GRM7: variants seen among roughly 807,000 people sequenced by gnomAD.
GRM7 encodes metabotropic glutamate receptor 7.
Under a neutral mutation model 84.5 loss-of-function variants are expected in GRM7, and 35 were observed. That is an observed-to-expected ratio of 0.41 (90% CI 0.32 to 0.55). GRM7 has a LOEUF of 0.55. Among genes scored for constraint, GRM7 ranks in the 20% least tolerant of loss-of-function variants. The pLI is 0.19. For missense variants in GRM7, 1,003 were observed against 1,194.6 expected (o/e 0.84, Z 2.36); for synonymous variants, 487 against 455.1 (o/e 1.07, Z -0.89).
chr3:7,220,279 C>T (rs1273706022), intron 2 of GRM7, among the ~76,000 whole-genome samples: 1 of 152,182 alleles, frequency 6.6e-6, no homozygotes, highest in Non-Finnish European at 1.5e-5. Context: ...CAAACACTAT[C>T]TCAGTGAGGT....
chr3:7,578,337 C>T, intron 7 of GRM7, 85 bp from the exon 8 acceptor site: 2 of 832,090 alleles, frequency 2.4e-6, no homozygotes, highest in South Asian at 3.5e-5. Context: ...ATGTCACTTG[C>T]CATGAGTACT....
chr3:7,062,604 A>C (rs1477882641), intron 1 of GRM7, among the ~76,000 whole-genome samples: 1 of 151,772 alleles, frequency 6.6e-6, no homozygotes, highest in Non-Finnish European at 1.5e-5. Context: ...AAATGGGTCA[A>C]CCCAAGGCAT....
intron 4 of GRM7, among the ~76,000 whole-genome samples, chr3:7,310,999 C>T (rs1327793272): frequency 6.6e-6 from 1 of 152,120 alleles, no homozygotes; most frequent in Non-Finnish European, 1.5e-5. Flanking sequence ...CTCAGGTGTG[C>T]TGTGTCTATT....
intron 4 of GRM7, among the ~76,000 whole-genome samples, chr3:7,357,247 T>G (rs1048106143): frequency 8.6e-5 from 13 of 151,830 alleles, no homozygotes; most frequent in Non-Finnish European, 4.4e-5. Context: ...AACAAAAAAG[T>G]ATTTTTTTTG....
At chr3:7,017,680 C>T (rs1343613932) in intron 1 of GRM7, among the ~76,000 whole-genome samples, 1 of 152,174 alleles carries the variant, frequency 6.6e-6, no homozygotes, top group Non-Finnish European at 1.5e-5. Flanking sequence ...CTGGGCCTAA[C>T]CCCCTAGAAA....
Position 7,309,563 on chromosome 3 carries a change from T to C in GRM7, c.1033+2911T>C, listed in dbSNP as rs182016403. Reference sequence around the variant, plus strand: ...AGCCAATCAGTAATCTACCTTTTTTTCCCTTTAGATCCATATCATGACTAC... The same window carrying C: ...AGCCAATCAGTAATCTACCTTTTTTCCCCTTTAGATCCATATCATGACTAC... On this transcript the variant is annotated intron_variant, in intron 4 of 9. Coordinates refer to ENST00000357716, the MANE Select transcript of GRM7 (RefSeq NM_000844.4). Among the ~76,000 whole-genome samples the C allele has an allele frequency of 6.5e-4, 99 of 152,292 alleles. 1 individual carries two copies. The highest frequency in any genetic ancestry group is 3.4e-3 in the Middle Eastern group (1 of 294).
At chr3:6,964,115 A>G (rs1030146053) in intron 1 of GRM7, among the ~76,000 whole-genome samples, 1 of 152,188 alleles carries the variant, frequency 6.6e-6, no homozygotes, top group Non-Finnish European at 1.5e-5. Context: ...CCCTTAATCA[A>G]CAAATTTAAA....
intron 1 of GRM7, among the ~76,000 whole-genome samples, chr3:7,103,645 A>T (rs1359677616): frequency 6.6e-6 from 1 of 151,686 alleles, no homozygotes; most frequent in Non-Finnish European, 1.5e-5. Context: ...TACTTCCATA[A>T]TTAATTATAT....
At chr3:7,086,972 G>T (rs1273287768) in intron 1 of GRM7, among the ~76,000 whole-genome samples, 1 of 152,036 alleles carries the variant, frequency 6.6e-6, no homozygotes, top group Non-Finnish European at 1.5e-5. Flanking sequence ...TTTCCTTCCA[G>T]CAGTAAATAA....
At chr3:6,876,625 G>T (rs80125239) in intron 1 of GRM7, among the ~76,000 whole-genome samples, 9,320 of 122,228 alleles carry the variant, frequency 0.076, 423 homozygotes, top group East Asian at 0.24. Context: ...TTTTTGAGAA[G>T]GTGTCTCGCT....
intron 1 of GRM7, among the ~76,000 whole-genome samples, chr3:6,917,728 A>G (rs1696991594): frequency 6.6e-6 from 1 of 152,118 alleles, no homozygotes; most frequent in Admixed American, 6.6e-5. Flanking sequence ...AAATGTAGTA[A>G]TATATTACAT....
chr3:7,708,164 T>C (rs1266780360), intron 9 of GRM7, among the ~76,000 whole-genome samples: 2 of 152,016 alleles, frequency 1.3e-5, no homozygotes, highest in Admixed American at 1.3e-4. Flanking sequence ...AAACCTTCAG[T>C]CCCAACACCA....
chr3:7,080,707 G>A (rs1282895559), intron 1 of GRM7, among the ~76,000 whole-genome samples: 2 of 151,132 alleles, frequency 1.3e-5, no homozygotes, highest in East Asian at 1.9e-4. Flanking sequence ...TACAAACTAC[G>A]TATTTATGTA....
intron 8 of GRM7, among the ~76,000 whole-genome samples, chr3:7,599,672 T>A (rs889201716): frequency 6.6e-6 from 1 of 152,184 alleles, no homozygotes; most frequent in African/African-American, 2.4e-5. Flanking sequence ...TTTACAGCTT[T>A]ATTACGGAGG....
rs114323770 is a variant in GRM7 at position 7,083,468 on chromosome 3, G to A, written c.520-62984G>A. On this transcript the variant is annotated intron_variant, in intron 1 of 9. Transcript: ENST00000357716. ...TCATGTGACTCGCTTTACTGTGGTG[G>A]TCTGGAGCCAATTCTACAATATCTC... Among the ~76,000 whole-genome samples, 1,202 of 152,238 alleles carry A rather than the reference G, an allele frequency of 7.9e-3. 12 individuals are homozygous for A. The highest frequency in any genetic ancestry group is 0.027 in the African/African-American group (1,118 of 41,540).
chr3:7,619,662 T>C (rs1227098615), intron 8 of GRM7, among the ~76,000 whole-genome samples: 3 of 152,048 alleles, frequency 2.0e-5, no homozygotes, highest in Admixed American at 6.6e-5. Flanking sequence ...TATCCAGAGA[T>C]CTATTTTGAA....
chr3:7,238,447 C>T (rs1697423936), intron 2 of GRM7, among the ~76,000 whole-genome samples: 2 of 152,080 alleles, frequency 1.3e-5, no homozygotes, highest in South Asian at 4.1e-4. Context: ...TTCACCACTC[C>T]CCACTGTTTT....
chr3:6,894,049 A>G (rs1696075563), intron 1 of GRM7: 1 of 152,178 alleles, frequency 6.6e-6, no homozygotes, highest in African/African-American at 2.4e-5. Flanking sequence ...AAACTTTTAG[A>G]CAATAAGTCA....
At chr3:7,176,292 T>G (rs1695147906) in intron 2 of GRM7, among the ~76,000 whole-genome samples, 1 of 143,336 alleles carries the variant, frequency 7.0e-6, no homozygotes. Context: ...ATGCCTGTGG[T>G]CTCAGCTACT....
Sources: allele counts gnomAD v4.1 joint callset (sites outside exome capture counted in the v4.1 genomes callset), GRCh38; gene constraint gnomAD v4.1.1; transcripts MANE v1.5; gene names NCBI Gene and HGNC (gene_info 2026-07-23, HGNC 2026-07-21).